Variants in API5 observed in about 807,000 individuals in gnomAD.
API5 encodes FIF.
API5 carries 6 observed loss-of-function variants against 71.9 expected under a neutral mutation model. That is an observed-to-expected ratio of 0.08 (90% CI 0.05 to 0.16). API5 has a LOEUF of 0.16. Among genes scored for constraint, API5 ranks in the 10% least tolerant of loss-of-function variants. The probability of loss-of-function intolerance (pLI) is 1.00; values close to 1 mark genes in which losing one functional copy is unlikely to be tolerated. For synonymous variants in API5, 189 were observed against 221.3 expected, an observed-to-expected ratio of 0.85 and a Z score of 1.30; for missense variants, 332 against 612.8, an observed-to-expected ratio of 0.54 and a Z score of 4.84.
intron 4 of API5, among the ~76,000 whole-genome samples, 165 bp from the exon 5 acceptor site, chr11:43,321,820 T>C (rs373577976): frequency 1.3e-5 from 2 of 152,208 alleles, no homozygotes; most frequent in South Asian, 4.1e-4. Flanking sequence ...AGCACTCTTA[T>C]GGTTCAGGCT....
chr11:43,313,537 G>T (rs1038103685), intron 1 of API5, among the ~76,000 whole-genome samples: 1 of 151,656 alleles, frequency 6.6e-6, no homozygotes, highest in Non-Finnish European at 1.5e-5. Context: ...TACCTTTCCC[G>T]TCCCCTTTTC....
chr11:43,327,931 AAT>A, intron 8 of API5, 53 bp downstream of exon 8: 1 of 1,072,146 alleles, frequency 9.3e-7, no homozygotes, highest in Non-Finnish European at 1.3e-6. Context: ...CTCAAAGTCT[AAT>A]TTATTATTAA....
At chr11:43,323,679 T>G (rs1590358755) in intron 6 of API5, 43 bp downstream of exon 6, 2 of 1,560,910 alleles carry the variant, frequency 1.3e-6, no homozygotes, top group East Asian at 2.2e-5. Flanking sequence ...GCTATATATA[T>G]ATTTCCATAA....
chr11:43,323,101 T>A lies in API5; in HGVS notation c.544-329T>A, dbSNP rs541409879. On this transcript the variant is annotated intron_variant, in intron 5 of 13. Coordinates refer to ENST00000531273, the MANE Select transcript of API5 (RefSeq NM_001142930.2). ...CACTCCCCTAAATAGCCAATTTTTT[T>A]AATTTTTTTTTTTTCTTAACTGCTC... is the stretch of plus-strand genomic sequence containing the variant. 1.8e-4 allele frequency among the ~76,000 whole-genome samples: 27 copies of A among 152,142 alleles called. No homozygotes were observed. In the East Asian group the frequency reaches 5.0e-3, roughly 28 times the overall value.
chr11:43,336,114 A>T, intron 13 of API5, 120 bp downstream of exon 13: 1 of 1,320,968 alleles, frequency 7.6e-7, no homozygotes, highest in Non-Finnish European at 1.0e-6. Flanking sequence ...TTTCTGAATT[A>T]GCTTGGAGAA....
intron 1 of API5, among the ~76,000 whole-genome samples, chr11:43,314,571 A>C (rs1017631522): frequency 6.6e-6 from 1 of 152,184 alleles, no homozygotes; most frequent in Non-Finnish European, 1.5e-5. Context: ...TATTCCGTAC[A>C]TTTCACCTAC....
At chr11:43,320,358 C>A (rs1854833527) in intron 2 of API5, among the ~76,000 whole-genome samples, 1 of 151,942 alleles carries the variant, frequency 6.6e-6, no homozygotes, top group African/African-American at 2.4e-5. Context: ...GGAGCAAATT[C>A]TTTTTAAAAC....
chr11:43,323,894 A>C (rs2134355191), intron 6 of API5, among the ~76,000 whole-genome samples: 1 of 152,264 alleles, frequency 6.6e-6, no homozygotes, highest in Non-Finnish European at 1.5e-5. Context: ...GTGCTCAAAA[A>C]GTTTTGGATT....
Position 43,323,618 on chromosome 11 carries a change from G to A in API5, c.732G>A (p.Gln244=). The A allele has an allele frequency of 6.2e-7, 1 of 1,613,942 alleles. No homozygotes were observed. The highest frequency in any genetic ancestry group is 2.2e-5 in the East Asian group (1 of 44,876). The stretch of plus-strand genomic sequence containing the variant: ...ACAGGCTCTTACAGTGCACTCGGCA[G>A]GCAGTACCCCTCTTCTCTGTGAGCT... The part of the protein sequence containing the change: ...CVDRLLQCTR[Q]AVPLFSKNVH... Residue 244 remains glutamine, a synonymous_variant, in exon 6 of 14, where the codon CAG becomes CAA. Coordinates refer to ENST00000531273, the MANE Select transcript of API5 (RefSeq NM_001142930.2).
rs543176327 is a variant in API5, at chr11:43,344,254, C to G, written c.*1744C>G. The G allele has an allele frequency of 1.3e-5, 2 of 152,710 alleles. No homozygotes were observed. Among genetic ancestry groups the G allele is most frequent in the Admixed American group, 6.5e-5 (1 of 15,300 alleles). The allele number at this position is 152,710 out of a possible 1,614,324, so 9.5% of individuals were successfully genotyped here. A position where few individuals can be genotyped will look rare whatever the true frequency, so the allele number is the denominator to read the frequency against. The stretch of plus-strand genomic sequence containing the variant: ...TTGAACATTAAATATAATTTTACCA[C>G]TTTTTGTCTTTATAAGCATATTTGT... On this transcript the variant is annotated 3_prime_UTR_variant, in exon 14 of 14. Coordinates refer to ENST00000531273, the MANE Select transcript of API5 (RefSeq NM_001142930.2).
At chr11:43,339,454 T>C (rs1478525620) in intron 13 of API5, 1 of 152,188 alleles carries the variant, frequency 6.6e-6, no homozygotes, top group East Asian at 1.9e-4. Context: ...TTACATATGA[T>C]TAAAAGTCCA....
At chr11:43,329,844 T>A (rs1048909021) in intron 9 of API5, 121 bp from the exon 10 acceptor site, 24 of 745,522 alleles carry the variant, frequency 3.2e-5, no homozygotes, top group Non-Finnish European at 4.6e-5. Flanking sequence ...AATTCTCTTC[T>A]TTAATTTACT....
At chr11:43,317,075 C>G (rs895058464) in intron 1 of API5, among the ~76,000 whole-genome samples, 2 of 152,144 alleles carry the variant, frequency 1.3e-5, no homozygotes, top group Non-Finnish European at 2.9e-5. Context: ...ATTGGTCATT[C>G]CCCGCTTGAT....
At chr11:43,337,320 T>C (rs533043226) in intron 13 of API5, among the ~76,000 whole-genome samples, 83 of 152,264 alleles carry the variant, frequency 5.5e-4, no homozygotes, top group African/African-American at 1.9e-3. Context: ...AGCAAGACCC[T>C]GTCTCTTAAA....
chr11:43,328,130 T>C (rs940744563), intron 8 of API5, among the ~76,000 whole-genome samples: 23 of 152,176 alleles, frequency 1.5e-4, no homozygotes, highest in African/African-American at 5.3e-4. Flanking sequence ...TCTTATTTGA[T>C]GTATTTGTAT....
intron 1 of API5, among the ~76,000 whole-genome samples, chr11:43,315,758 C>G (rs1441622685): frequency 5.3e-5 from 8 of 152,120 alleles, no homozygotes; most frequent in Admixed American, 4.6e-4. Flanking sequence ...CTTCAGGTCT[C>G]ACTCTTCTCT....
chr11:43,323,432 C>T lies in API5; in HGVS notation c.546C>T (p.Val182=). 6.2e-7 allele frequency: 1 copy of T among 1,613,068 alleles called. No individual in the cohort carries two copies. Among genetic ancestry groups the T allele is most frequent in the Non-Finnish European group, 8.5e-7 (1 of 1,179,122 alleles). The change falls in exon 6 of 14, where the codon GTC becomes GTT. Residue 182 remains valine (V), a splice_region_variant and synonymous_variant. Coordinates refer to ENST00000531273, the MANE Select transcript of API5 (RefSeq NM_001142930.2). The part of the protein sequence containing the change: ...EELILTESKK[V]LEDVTGEEFV... ...ATTCTGAATTGTCTCTTTTCCAGGT[C>T]CTAGAAGATGTGACTGGTGAAGAAT...
chr11:43,316,607 C>T (rs1040100563), intron 1 of API5, among the ~76,000 whole-genome samples: 25 of 152,092 alleles, frequency 1.6e-4, no homozygotes, highest in African/African-American at 4.6e-4. Context: ...TTAATGTTTG[C>T]GGTGAAAAGT....
In API5 at chr11:43,338,946, A is replaced by G. The variant is rs375187491; in HGVS notation, c.1492+2952A>G. On this transcript the variant is annotated intron_variant, in intron 13 of 13. Transcript: ENST00000531273. ...GTCAAAAATGCAGAAGTCATGGCCCACAAAAGGCTACTGCACTACCTTAAT... is the reference window on the plus strand; with the variant it reads ...GTCAAAAATGCAGAAGTCATGGCCCGCAAAAGGCTACTGCACTACCTTAAT... 2.6e-5 allele frequency among the ~76,000 whole-genome samples: 4 copies of G among 152,324 alleles called. No individual in the cohort carries two copies. The East Asian group carries it at 7.7e-4, about 29-fold the overall frequency.
Sources: allele counts gnomAD v4.1 joint callset (sites outside exome capture counted in the v4.1 genomes callset), GRCh38; gene constraint gnomAD v4.1.1; transcripts MANE v1.5; gene names NCBI Gene and HGNC (gene_info 2026-07-23, HGNC 2026-07-21).